The following SATB1 variants were observed in gnomAD, a reference collection of about 807,000 sequenced individuals.
The protein encoded by SATB1 is DNA-binding protein SATB1.
In SATB1, 11 loss-of-function variants were observed where a neutral mutation model predicts 86.9. That is an observed-to-expected ratio of 0.13 (90% confidence interval 0.08 to 0.21). The LOEUF (loss-of-function observed/expected upper bound fraction) is 0.21. Ranked by LOEUF, SATB1 falls within the 10% of genes least tolerant of loss-of-function variation. The pLI, the probability that SATB1 is intolerant of heterozygous loss-of-function variation, is 1.00. For synonymous variants in SATB1, 357 were observed against 357.2 expected (o/e 1.00, Z 0.01); for missense variants, 551 against 937.6 (o/e 0.59, Z 5.39).
chr3:18,351,814 G>A lies in SATB1; in HGVS notation c.1779+178C>T, dbSNP rs569804771. On this transcript the variant is annotated intron_variant, in intron 10 of 10. Transcript: ENST00000338745. ...GAGGAAAGAGGAACACGATACATACGCTGGAAAAAGTATGTTAATATTCAT... is the reference window on the plus strand; with the variant it reads ...GAGGAAAGAGGAACACGATACATACACTGGAAAAAGTATGTTAATATTCAT... 3.1e-5 allele frequency: 19 copies of A among 621,470 alleles called. No individual in the cohort carries two copies. In the East Asian group the frequency reaches 3.9e-4, roughly 13 times the overall value. 38.5% of individuals were successfully genotyped at this position (621,470 alleles called of 1,614,324 possible).
intron 5 of SATB1, among the ~76,000 whole-genome samples, chr3:18,404,201 T>C (rs775829339): frequency 9.9e-5 from 15 of 152,088 alleles, no homozygotes; most frequent in Non-Finnish European, 1.8e-4. Flanking sequence ...TGGGCTTCAA[T>C]TTATGACAGC....
chr3:18,346,924 T>C lies in SATB1; in HGVS notation c.*2246A>G, dbSNP rs1694086425. ...TAATTCAAATTCCTTTGGCTCAAATTATTACTTTTCTGAACTCTAGTGAGC... is the reference window on the plus strand; with the variant it reads ...TAATTCAAATTCCTTTGGCTCAAATCATTACTTTTCTGAACTCTAGTGAGC... On this transcript the variant is annotated 3_prime_UTR_variant, in exon 11 of 11. Coordinates refer to ENST00000338745, the MANE Select transcript of SATB1 (RefSeq NM_002971.6). The C allele has an allele frequency of 2.6e-5, 4 of 152,280 alleles. No individual in the cohort carries two copies. In the South Asian group the frequency reaches 8.3e-4, roughly 32 times the overall value. 9.4% of individuals were successfully genotyped at this position (152,280 alleles called of 1,614,324 possible).
At chr3:18,384,677 C>G (rs988327964) in intron 8 of SATB1, among the ~76,000 whole-genome samples, 1 of 152,026 alleles carries the variant, frequency 6.6e-6, no homozygotes, top group East Asian at 1.9e-4. Flanking sequence ...TATTTCATTT[C>G]GTATATTTTT....
chr3:18,363,480 T>A (rs1464272814), intron 9 of SATB1, among the ~76,000 whole-genome samples: 1 of 152,162 alleles, frequency 6.6e-6, no homozygotes, highest in Non-Finnish European at 1.5e-5. Flanking sequence ...ACTGGGGCTT[T>A]GCACAGACTG....
At chr3:18,376,981 C>T (rs1384487173) in intron 9 of SATB1, among the ~76,000 whole-genome samples, 2 of 152,188 alleles carry the variant, frequency 1.3e-5, no homozygotes, top group African/African-American at 2.4e-5. Context: ...TTACAGTCCA[C>T]AGCTTGAGTT....
intron 9 of SATB1, among the ~76,000 whole-genome samples, chr3:18,355,986 C>T (rs1317406315): frequency 2.0e-5 from 3 of 151,930 alleles, no homozygotes; most frequent in Non-Finnish European, 4.4e-5. Context: ...TACTACTTTT[C>T]AAACTGACAA....
chr3:18,415,944 T>A (rs2125160128), intron 4 of SATB1, 63 bp downstream of exon 4: 1 of 1,448,342 alleles, frequency 6.9e-7, no homozygotes, highest in Non-Finnish European at 9.3e-7. Context: ...CAGAGAGAAA[T>A]GCTTCATTTC....
intron 4 of SATB1, 116 bp from the exon 5 acceptor site, chr3:18,415,350 G>T: frequency 8.5e-7 from 1 of 1,177,306 alleles, no homozygotes; most frequent in Non-Finnish European, 1.2e-6. Context: ...TCTGGAGATT[G>T]CTCTCGGTCT....
At chr3:18,438,076 C>T (rs1174293698) in intron 1 of SATB1, among the ~76,000 whole-genome samples, 2 of 152,142 alleles carry the variant, frequency 1.3e-5, no homozygotes, top group African/African-American at 4.8e-5. Context: ...TATCTGCATA[C>T]ACTAGGTTCT....
intron 9 of SATB1, among the ~76,000 whole-genome samples, chr3:18,369,554 G>A (rs1400305008): frequency 6.6e-6 from 1 of 152,030 alleles, no homozygotes; most frequent in Admixed American, 6.5e-5. Context: ...AAAAAAAAGG[G>A]GGGCCTGAAA....
intron 2 of SATB1, among the ~76,000 whole-genome samples, chr3:18,430,884 GA>G (rs1289056286): frequency 6.6e-6 from 1 of 152,270 alleles, no homozygotes; most frequent in South Asian, 2.1e-4. Context: ...AGTTGAGGGG[GA>G]AAAAACCCAA....
In SATB1 at chr3:18,424,680, A is replaced by G. The variant is rs12022; in HGVS notation, c.-1078T>C. The G allele has an allele frequency of 0.023, 3,528 of 152,136 alleles. 97 individuals carry two copies. The highest frequency in any genetic ancestry group is 0.064 in the African/African-American group (2,653 of 41,488). 9.4% of individuals were successfully genotyped at this position (152,136 alleles called of 1,614,324 possible). On this transcript the variant is annotated 5_prime_UTR_variant, in exon 1 of 11. Coordinates refer to ENST00000338745, the MANE Select transcript of SATB1 (RefSeq NM_002971.6). ...CGCCCCCTCCCCCCAAAAAGTCGCC[A>G]AGCTCTCACTCGTCCAGAGTCCGAG...
chr3:18,435,398 T>C (rs1288312339), intron 2 of SATB1: 1 of 152,180 alleles, frequency 6.6e-6, no homozygotes, highest in Non-Finnish European at 1.5e-5. Flanking sequence ...AGCATCCTTT[T>C]ATTTCAATTT....
Position 18,424,364 on chromosome 3 carries a change from A to G in SATB1, c.-762T>C, listed in dbSNP as rs1484374854. On this transcript the variant is annotated 5_prime_UTR_variant, in exon 1 of 11. Transcript: ENST00000338745. ...ATCGCGACTAATATTAACAAACCTT[A>G]AACTTTTCCCCACAGCCTCGCACCC... is the stretch of plus-strand genomic sequence containing the variant. The G allele has an allele frequency of 6.8e-6, 1 of 147,572 alleles. No individual in the cohort carries two copies. Among genetic ancestry groups the G allele is most frequent in the Non-Finnish European group, 1.5e-5 (1 of 67,434 alleles). 9.1% of individuals were successfully genotyped at this position (147,572 alleles called of 1,614,324 possible).
At chr3:18,415,747 G>T (rs1698075436) in intron 4 of SATB1, among the ~76,000 whole-genome samples, 1 of 151,834 alleles carries the variant, frequency 6.6e-6, no homozygotes, top group East Asian at 1.9e-4. Context: ...TTATTTAATT[G>T]ACTAAACGTA....
chr3:18,380,554 ATTT>A (rs773536874), intron 8 of SATB1, among the ~76,000 whole-genome samples: 1 of 151,544 alleles, frequency 6.6e-6, no homozygotes, highest in Non-Finnish European at 1.5e-5. Flanking sequence ...TACAAGAAAT[ATTT>A]TTTTTTAAAA....
chr3:18,367,898 T>C (rs1322064447), intron 9 of SATB1, among the ~76,000 whole-genome samples: 1 of 152,192 alleles, frequency 6.6e-6, no homozygotes, highest in African/African-American at 2.4e-5. Context: ...AATGGTGAGC[T>C]CCACCAGTGA....
intron 9 of SATB1, among the ~76,000 whole-genome samples, chr3:18,361,159 C>G (rs1694889504): frequency 6.6e-6 from 1 of 152,068 alleles, no homozygotes; most frequent in South Asian, 2.1e-4. Flanking sequence ...CTCATTTCCT[C>G]TACTGGACTT....
At chr3:18,357,630 G>C (rs948136507) in intron 9 of SATB1, among the ~76,000 whole-genome samples, 3 of 149,224 alleles carry the variant, frequency 2.0e-5, no homozygotes, top group Non-Finnish European at 4.5e-5. Context: ...GGGAAAATGA[G>C]TTCTAATTGT....
Sources: gnomAD v4.1 joint callset for allele counts (sites outside exome capture counted in the v4.1 genomes callset) on GRCh38, gnomAD v4.1.1 for gene constraint, MANE v1.5 for transcripts, NCBI Gene and HGNC (gene_info 2026-07-23, HGNC 2026-07-21) for gene names.